Variants in HERC4 observed in about 807,000 individuals in gnomAD.
HERC4 encodes probable E3 ubiquitin-protein ligase HERC4.
HERC4 carries 28 observed loss-of-function variants against 124.3 expected under a neutral mutation model. The observed-to-expected ratio is 0.23, with a 90% CI of 0.17 to 0.31. The LOEUF (loss-of-function observed/expected upper bound fraction) is 0.31, where lower values mean the gene tolerates loss of function less well. HERC4 is among the 10% of genes least tolerant of loss of function. HERC4 has a pLI of 1.00. For synonymous variants in HERC4, 407 were observed against 421.5 expected (o/e 0.97, Z 0.42); for missense variants, 713 against 1,229.3 (o/e 0.58, Z 6.28).
chr10:67,922,811 G>A lies in HERC4; in HGVS notation c.*120C>T. On this transcript the variant is annotated 3_prime_UTR_variant, in exon 25 of 25. Coordinates refer to ENST00000373700, the MANE Select transcript of HERC4 (RefSeq NM_015601.4). Reference sequence around the variant, plus strand: ...TGGCTTCCATGAACACTCGTAGATTGAACATTCTGCAAGTAAGAATTATAA... The same window carrying A: ...TGGCTTCCATGAACACTCGTAGATTAAACATTCTGCAAGTAAGAATTATAA... The A allele has an allele frequency of 1.4e-6, 1 of 719,462 alleles. No homozygotes were observed. 44.6% of individuals were successfully genotyped at this position (719,462 alleles called of 1,614,324 possible). A position where few individuals can be genotyped will look rare whatever the true frequency, so the allele number is the denominator to read the frequency against.
chr10:68,062,536 G>A (rs563286378), intron 3 of HERC4, among the ~76,000 whole-genome samples: 2 of 151,986 alleles, frequency 1.3e-5, no homozygotes, highest in Middle Eastern at 3.4e-3. Context: ...GGCAGATCAC[G>A]AGGTCAGGAG....
At chr10:67,933,658 T>A (rs1187701634) in intron 22 of HERC4, among the ~76,000 whole-genome samples, 1 of 152,162 alleles carries the variant, frequency 6.6e-6, no homozygotes, top group Non-Finnish European at 1.5e-5. Flanking sequence ...TTTTTTCACA[T>A]CATTTTAAAA....
intron 15 of HERC4, among the ~76,000 whole-genome samples, chr10:67,987,625 T>C (rs2036337761): frequency 6.6e-6 from 1 of 152,150 alleles, no homozygotes; most frequent in East Asian, 1.9e-4. Flanking sequence ...GAATGACCTG[T>C]TTCCCTAGGA....
At chr10:67,969,934 C>T (rs2035129882) in intron 15 of HERC4, among the ~76,000 whole-genome samples, 1 of 152,152 alleles carries the variant, frequency 6.6e-6, no homozygotes, top group African/African-American at 2.4e-5. Context: ...ACAAGCAATA[C>T]CAGTTTACAA....
In HERC4 at chr10:67,992,495, A is replaced by G. The variant is rs995355165; in HGVS notation, c.1146+111T>C. On this transcript the variant is annotated intron_variant, in intron 10 of 24. Transcript: ENST00000373700. ...AAACTTATTCTGTAGACTTAAGGGG[A>G]AAAAAACTAAGGCAATTACTTTGTA... 2.4e-5 allele frequency: 26 copies of G among 1,094,926 alleles called. No individual in the cohort carries two copies. In the South Asian group the frequency reaches 2.5e-4, roughly 11 times the overall value. 67.8% of individuals were successfully genotyped at this position (1,094,926 alleles called of 1,614,324 possible). A position where few individuals can be genotyped will look rare whatever the true frequency, so the allele number is the denominator to read the frequency against.
intron 8 of HERC4, among the ~76,000 whole-genome samples, chr10:68,015,080 CT>C (rs1328365984): frequency 6.6e-6 from 1 of 152,212 alleles, no homozygotes; most frequent in East Asian, 1.9e-4. Context: ...TTCTCCATGT[CT>C]TAAATCCAAG....
intron 3 of HERC4, among the ~76,000 whole-genome samples, chr10:68,046,530 G>A (rs191024257): frequency 6.6e-6 from 1 of 152,056 alleles, no homozygotes; most frequent in African/African-American, 2.4e-5. Flanking sequence ...CCAAGCACTG[G>A]AGAGAGAGAG....
chr10:67,931,747 G>A (rs2031839343), intron 23 of HERC4, among the ~76,000 whole-genome samples: 1 of 151,964 alleles, frequency 6.6e-6, no homozygotes, highest in Admixed American at 6.6e-5. Context: ...CTATCTAGCT[G>A]TGTCACAGAT....
intron 3 of HERC4, chr10:68,070,281 C>G: frequency 1.0e-6 from 1 of 963,968 alleles, no homozygotes; most frequent in Non-Finnish European, 1.2e-6. Context: ...TAGTTAAAAA[C>G]ATTCTTAAAA....
intron 8 of HERC4, among the ~76,000 whole-genome samples, chr10:68,022,693 T>C (rs1332901903): frequency 3.3e-5 from 5 of 151,908 alleles, no homozygotes; most frequent in East Asian, 1.9e-4. Flanking sequence ...ATAAACAAAC[T>C]GGACTTTATA....
chr10:68,040,034 GT>G, intron 4 of HERC4: 1 of 713,436 alleles, frequency 1.4e-6, no homozygotes, highest in Non-Finnish European at 1.7e-6. Flanking sequence ...CAGACTATGT[GT>G]TTTATACCCA....
intron 1 of HERC4, chr10:68,074,607 A>G (rs943590643): frequency 3.3e-5 from 5 of 152,168 alleles, no homozygotes; most frequent in Admixed American, 2.0e-4. Context: ...GTGCACCCAG[A>G]TCAGCTCATG....
chr10:67,987,167 A>G (rs2036310039), intron 15 of HERC4, among the ~76,000 whole-genome samples: 1 of 152,200 alleles, frequency 6.6e-6, no homozygotes, highest in Admixed American at 6.5e-5. Context: ...ATGAAACTCT[A>G]TCAAGTTCTT....
chr10:67,939,693 A>T (rs1564930185), intron 20 of HERC4, 39 bp from the exon 21 acceptor site: 2 of 1,270,688 alleles, frequency 1.6e-6, no homozygotes, highest in Admixed American at 3.9e-5. Flanking sequence ...GGAAAAAATT[A>T]TTGGATATTT....
Position 68,014,039 on chromosome 10 carries a change from A to G in HERC4, c.1056T>C (p.Cys352=). The G allele has an allele frequency of 6.2e-7, 1 of 1,608,584 alleles. No homozygotes were observed. The highest frequency in any genetic ancestry group is 8.5e-7 in the Non-Finnish European group (1 of 1,178,068). ...KGNWYPYNGQ[C]LPDIDSEEYF... ...GACAGAACTTACCAATATCTGGTAG[A>G]CACTGCCCATTATAGGGGTACCAAT... Residue 352 remains cysteine (C), a synonymous_variant, in exon 9 of 25, where the codon TGT becomes TGC. Coordinates refer to ENST00000373700, the MANE Select transcript of HERC4 (RefSeq NM_015601.4).
rs1191314129 is a variant in HERC4, at chr10:67,974,119, CATACACACAG to C, written c.1807-7327_1807-7318del. ...ACACACACACACACACACACACACA[CATACACACAG>C]GGTCAGGAAAACAAGACAACCTTTC... On this transcript the variant is annotated intron_variant, in intron 15 of 24. Transcript: ENST00000373700. Among the ~76,000 whole-genome samples, 323 of 83,638 alleles carry C rather than the reference CATACACACAG, an allele frequency of 3.9e-3. 3 individuals carry two copies. The highest frequency in any genetic ancestry group is 0.024 in the East Asian group (29 of 1,196). The allele number at this position is 83,638 out of a possible 152,430, so 54.9% of individuals were successfully genotyped here. A position where few individuals can be genotyped will look rare whatever the true frequency, so the allele number is the denominator to read the frequency against.
intron 15 of HERC4, among the ~76,000 whole-genome samples, chr10:67,976,028 T>C (rs1403498389): frequency 6.6e-6 from 1 of 151,628 alleles, no homozygotes; most frequent in Non-Finnish European, 1.5e-5. Flanking sequence ...TGCTACCCAC[T>C]GTTTTTTTTT....
intron 9 of HERC4, chr10:68,010,951 T>C (rs2037915375): frequency 9.8e-7 from 1 of 1,025,600 alleles, no homozygotes; most frequent in Non-Finnish European, 1.5e-6. Context: ...TCTAGTTCTC[T>C]TGTTATTTCC....
At chr10:68,053,281 T>C (rs1381305408) in intron 3 of HERC4, among the ~76,000 whole-genome samples, 1 of 152,034 alleles carries the variant, frequency 6.6e-6, no homozygotes, top group Non-Finnish European at 1.5e-5. Flanking sequence ...TTTTAAAACA[T>C]CTTATTTAAT....
Sources: gnomAD v4.1 joint callset for allele counts (sites outside exome capture counted in the v4.1 genomes callset) on GRCh38, gnomAD v4.1.1 for gene constraint, MANE v1.5 for transcripts, NCBI Gene and HGNC (gene_info 2026-07-23, HGNC 2026-07-21) for gene names.